CDK17: variants seen among roughly 807,000 people sequenced by gnomAD.
The protein encoded by CDK17 is cyclin-dependent kinase 17.
CDK17 carries 24 observed loss-of-function variants against 77.6 expected under a neutral mutation model. The observed-to-expected ratio is 0.31, with a 90% CI of 0.22 to 0.44. The LOEUF (loss-of-function observed/expected upper bound fraction) is 0.44, where lower values mean the gene tolerates loss of function less well. Ranked by LOEUF, CDK17 falls within the 20% of genes least tolerant of loss-of-function variation. The pLI, the probability that CDK17 is intolerant of heterozygous loss-of-function variation, is 1.00. For synonymous variants in CDK17, 203 were observed against 210.4 expected, an observed-to-expected ratio of 0.96 and a Z score of 0.30; for missense variants, 429 against 622.5, an observed-to-expected ratio of 0.69 and a Z score of 3.31.
intron 1 of CDK17, among the ~76,000 whole-genome samples, chr12:96,355,434 T>C (rs1953379689): frequency 8.0e-6 from 1 of 125,626 alleles, no homozygotes; most frequent in African/African-American, 3.1e-5. Context: ...AGATGGAGTC[T>C]CACTCTGTTG....
chr12:96,358,988 T>C (rs1197768216), intron 1 of CDK17, among the ~76,000 whole-genome samples: 1 of 151,990 alleles, frequency 6.6e-6, no homozygotes, highest in Non-Finnish European at 1.5e-5. Context: ...CTTTTTTTTT[T>C]TTTTCCTGAA....
chr12:96,391,039 A>T (rs1954059269), intron 1 of CDK17, among the ~76,000 whole-genome samples: 2 of 149,648 alleles, frequency 1.3e-5, no homozygotes, highest in African/African-American at 4.9e-5. Context: ...GTGAGCTGAG[A>T]TTGCACCACT....
At chr12:96,375,339 C>T (rs1349173170) in intron 1 of CDK17, among the ~76,000 whole-genome samples, 1 of 152,038 alleles carries the variant, frequency 6.6e-6, no homozygotes, top group African/African-American at 2.4e-5. Flanking sequence ...CACTCCTCTG[C>T]AGATTTATTC....
At chr12:96,323,836 G>T in intron 3 of CDK17, 112 bp downstream of exon 3, 1 of 728,904 alleles carries the variant, frequency 1.4e-6, no homozygotes, top group Non-Finnish European at 2.1e-6. Context: ...ATCTCAACTT[G>T]ATTTTTATCT....
intron 2 of CDK17, among the ~76,000 whole-genome samples, chr12:96,327,555 T>G (rs1037628834): frequency 6.6e-6 from 1 of 152,160 alleles, no homozygotes; most frequent in Non-Finnish European, 1.5e-5. Context: ...TATTTTTTTT[T>G]TCTTTTTTTC....
intron 1 of CDK17, among the ~76,000 whole-genome samples, chr12:96,342,753 T>C (rs1049017603): frequency 2.0e-5 from 3 of 151,984 alleles, no homozygotes; most frequent in Non-Finnish European, 4.4e-5. Context: ...TCACCTGAGG[T>C]TGGGAGTTCA....
chr12:96,306,539 T>C (rs1286282118), intron 5 of CDK17, among the ~76,000 whole-genome samples: 13 of 152,096 alleles, frequency 8.5e-5, no homozygotes, highest in Admixed American at 5.9e-4. Context: ...AAGGGTATAT[T>C]ATCCATGGAA....
intron 1 of CDK17, among the ~76,000 whole-genome samples, chr12:96,387,511 C>T (rs574778726): frequency 6.6e-6 from 1 of 152,164 alleles, no homozygotes; most frequent in Non-Finnish European, 1.5e-5. Flanking sequence ...AAAGCCATTA[C>T]TCTGGAATAA....
Position 96,363,957 on chromosome 12 carries a change from T to C in CDK17, c.-29-29092A>G, listed in dbSNP as rs186805125. On this transcript the variant is annotated intron_variant, in intron 1 of 16. Coordinates refer to ENST00000261211, the MANE Select transcript of CDK17 (RefSeq NM_002595.5). ...AGTAGCCCCATTAGCAACTTCTGTC[T>C]TTCAGTCCCTTACAGCATAATCCTC... is the stretch of plus-strand genomic sequence containing the variant. Among the ~76,000 whole-genome samples the C allele has an allele frequency of 2.0e-5, 3 of 152,358 alleles. No homozygotes were observed. The East Asian group carries it at 5.8e-4, about 29-fold the overall frequency.
chr12:96,351,929 C>A (rs911052217), intron 1 of CDK17, among the ~76,000 whole-genome samples: 4 of 152,028 alleles, frequency 2.6e-5, no homozygotes, highest in African/African-American at 9.7e-5. Context: ...TAAGAATGAG[C>A]CAGACAAACT....
At chr12:96,364,408 C>T (rs886402794) in intron 1 of CDK17, among the ~76,000 whole-genome samples, 1 of 152,198 alleles carries the variant, frequency 6.6e-6, no homozygotes, top group Non-Finnish European at 1.5e-5. Context: ...TTCAAAAACA[C>T]AGGTATTACC....
intron 1 of CDK17, among the ~76,000 whole-genome samples, chr12:96,389,029 A>T (rs544666825): frequency 4.7e-5 from 6 of 126,944 alleles, no homozygotes; most frequent in Admixed American, 7.6e-5. Context: ...ACTTTTTTTT[A>T]TTATTATTAT....
At position 96,318,325 on chromosome 12, in the gene CDK17, C is replaced by T. The variant is rs531281617; in HGVS notation, c.284-4871G>A. Among the ~76,000 whole-genome samples the T allele has an allele frequency of 2.0e-3, 305 of 150,570 alleles. 1 individual carries two copies. Among genetic ancestry groups the T allele is most frequent in the African/African-American group, 6.9e-3 (283 of 40,866 alleles). ...AAGTCCTGAGTGACCTACAAAGAGACTTAGACTCCCACACATTAATAATGG... is the reference window on the plus strand; with the variant it reads ...AAGTCCTGAGTGACCTACAAAGAGATTTAGACTCCCACACATTAATAATGG... On this transcript the variant is annotated intron_variant, in intron 3 of 16. Transcript: ENST00000261211.
chr12:96,372,845 C>T (rs879619880), intron 1 of CDK17, among the ~76,000 whole-genome samples: 8 of 151,990 alleles, frequency 5.3e-5, no homozygotes, highest in Non-Finnish European at 1.2e-4. Flanking sequence ...GAAAGATTTC[C>T]TATGAGGATA....
At chr12:96,290,335 C>T (rs938781600) in intron 10 of CDK17, among the ~76,000 whole-genome samples, 2 of 152,108 alleles carry the variant, frequency 1.3e-5, no homozygotes, top group Non-Finnish European at 2.9e-5. Flanking sequence ...TGGAAAATTA[C>T]AAATTTATTT....
chr12:96,363,311 C>T (rs1335078968), intron 1 of CDK17, among the ~76,000 whole-genome samples: 1 of 151,778 alleles, frequency 6.6e-6, no homozygotes, highest in African/African-American at 2.4e-5. Context: ...ATTAGCTGGG[C>T]ATGGTGGTGG....
intron 1 of CDK17, among the ~76,000 whole-genome samples, chr12:96,375,701 C>A (rs982047627): frequency 5.9e-5 from 9 of 151,808 alleles, no homozygotes; most frequent in Non-Finnish European, 1.0e-4. Context: ...CCCACCACCA[C>A]GCCTGGGTAA....
chr12:96,380,141 C>A (rs2137225229), intron 1 of CDK17, among the ~76,000 whole-genome samples: 1 of 149,740 alleles, frequency 6.7e-6, no homozygotes, highest in East Asian at 2.0e-4. Flanking sequence ...TGCACCCTAG[C>A]CTGAGAGACA....
rs531191047 is a variant in CDK17 at position 96,316,851 on chromosome 12, T to A, written c.284-3397A>T. 2.3e-4 allele frequency among the ~76,000 whole-genome samples: 33 copies of A among 144,808 alleles called. No homozygotes were observed. In the East Asian group the frequency reaches 3.8e-3, roughly 17 times the overall value. The allele number at this position is 144,808 out of a possible 152,430, so 95.0% of individuals were successfully genotyped here. A position where few individuals can be genotyped will look rare whatever the true frequency, so the allele number is the denominator to read the frequency against. On this transcript the variant is annotated intron_variant, in intron 3 of 16. Transcript: ENST00000261211. Reference sequence around the variant, plus strand: ...CCAAAAGTAGATAAAACCACAAAGATGGGGAAAAAACAGAACAGAAAAACT... The same window carrying A: ...CCAAAAGTAGATAAAACCACAAAGAAGGGGAAAAAACAGAACAGAAAAACT...
Sources: allele counts gnomAD v4.1 joint callset (sites outside exome capture counted in the v4.1 genomes callset), GRCh38; gene constraint gnomAD v4.1.1; transcripts MANE v1.5; gene names NCBI Gene and HGNC (gene_info 2026-07-23, HGNC 2026-07-21).